TMEM38B: variants seen among roughly 807,000 people sequenced by gnomAD.
TMEM38B encodes transmembrane protein 38B, also known as trimeric intracellular cation channel type B.
Under a neutral mutation model 28.7 loss-of-function variants are expected in TMEM38B, and 24 were observed. The ratio of observed to expected loss-of-function variants is 0.84; its 90% CI spans 0.61 to 1.18. TMEM38B has a LOEUF of 1.18. Among genes scored for constraint, TMEM38B ranks in the 50% most tolerant of loss-of-function variants. The pLI, the probability that TMEM38B is intolerant of heterozygous loss-of-function variation, is 0.00. For missense variants in TMEM38B, 380 were observed against 350.9 expected (o/e 1.08, Z -0.66); for synonymous variants, 131 against 127.7 (o/e 1.03, Z -0.17).
rs1588486087 is a variant in TMEM38B, at chr9:105,773,772, T to C, written c.661-93T>C. ...TTGCTTCCCCTGCAGATTACATTAA[T>C]AATGCATTTTGATTTTTTTTCCTTT... On this transcript the variant is annotated intron_variant, in intron 5 of 5. Transcript: ENST00000374692. The C allele has an allele frequency of 1.3e-5, 16 of 1,197,944 alleles. No individual in the cohort carries two copies. The East Asian group carries it at 3.8e-4, about 28-fold the overall frequency. The allele number at this position is 1,197,944 out of a possible 1,614,324, so 74.2% of individuals were successfully genotyped here. A position where few individuals can be genotyped will look rare whatever the true frequency, so the allele number is the denominator to read the frequency against.
intron 1 of TMEM38B, among the ~76,000 whole-genome samples, chr9:105,702,202 A>G (rs995739287): frequency 1.3e-4 from 20 of 151,200 alleles, no homozygotes; most frequent in Non-Finnish European, 5.9e-5. Context: ...GGCATATAGG[A>G]TATGTTGTTC....
chr9:105,712,495 G>A (rs1301624899), intron 2 of TMEM38B, among the ~76,000 whole-genome samples: 5 of 152,186 alleles, frequency 3.3e-5, no homozygotes, highest in Admixed American at 1.3e-4. Context: ...CATAATCATG[G>A]TATAGATCAT....
chr9:105,761,531 A>C (rs1838049527), intron 5 of TMEM38B, among the ~76,000 whole-genome samples: 1 of 152,194 alleles, frequency 6.6e-6, no homozygotes, highest in South Asian at 2.1e-4. Flanking sequence ...TAAAACATAT[A>C]ATCTCTTCTG....
At chr9:105,726,716 C>G (rs1275246274) in intron 4 of TMEM38B, among the ~76,000 whole-genome samples, 1 of 152,056 alleles carries the variant, frequency 6.6e-6, no homozygotes, top group Non-Finnish European at 1.5e-5. Context: ...CAATCTCTAT[C>G]TTTTAATTGG....
Position 105,758,088 on chromosome 9 carries a change from GACTC to G in TMEM38B, c.660+9899_660+9902del. 1.0e-5 allele frequency: 4 copies of G among 391,410 alleles called. No homozygotes were observed. In the South Asian group the frequency reaches 1.6e-4, roughly 15 times the overall value. The allele number at this position is 391,410 out of a possible 1,614,324, so 24.2% of individuals were successfully genotyped here. A position where few individuals can be genotyped will look rare whatever the true frequency, so the allele number is the denominator to read the frequency against. On this transcript the variant is annotated intron_variant, in intron 5 of 5. Transcript: ENST00000374692. Reference sequence around the variant, plus strand: ...GCGGCAGGGCCAGTGGTTGTGCTGAGACTCGCCACTGCCCAGGCCGCTGGGCCTG... The same window carrying G: ...GCGGCAGGGCCAGTGGTTGTGCTGAGGCCACTGCCCAGGCCGCTGGGCCTG...
chr9:105,738,418 T>C (rs1438964796), intron 4 of TMEM38B, among the ~76,000 whole-genome samples: 1 of 152,150 alleles, frequency 6.6e-6, no homozygotes, highest in African/African-American at 2.4e-5. Context: ...GCTCTATATA[T>C]AGAGTTGCTT....
chr9:105,749,587 A>G (rs1280560652), intron 5 of TMEM38B, among the ~76,000 whole-genome samples: 1 of 152,144 alleles, frequency 6.6e-6, no homozygotes, highest in African/African-American at 2.4e-5. Context: ...ATATCATACA[A>G]TGCACTTAAA....
At chr9:105,705,967 C>T (rs1336537302) in intron 2 of TMEM38B, among the ~76,000 whole-genome samples, 1 of 148,014 alleles carries the variant, frequency 6.8e-6, no homozygotes, top group African/African-American at 2.5e-5. Context: ...ATGGCATAAT[C>T]TTGGCTCACT....
intron 2 of TMEM38B, among the ~76,000 whole-genome samples, chr9:105,717,456 A>C (rs1404394607): frequency 6.6e-6 from 1 of 152,178 alleles, no homozygotes; most frequent in Non-Finnish European, 1.5e-5. Flanking sequence ...ACTGGGAACA[A>C]CTCTCTGTCA....
rs374408312 is a variant in TMEM38B, at chr9:105,735,813, G to A, written c.543-12260G>A. 9.0e-4 allele frequency among the ~76,000 whole-genome samples: 137 copies of A among 152,204 alleles called. 4 individuals are homozygous for A. In the South Asian group the frequency reaches 0.027, roughly 30 times the overall value. ...TTGGGGAGTTTTGAGCTTCCTGGAT[G>A]TGGATATCAGTATCTCAACCAAGAC... On this transcript the variant is annotated intron_variant, in intron 4 of 5. Transcript: ENST00000374692.
chr9:105,722,668 T>G, intron 4 of TMEM38B, 47 bp downstream of exon 4: 1 of 1,484,902 alleles, frequency 6.7e-7, no homozygotes, highest in Middle Eastern at 1.7e-4. Context: ...TATCCTTAGA[T>G]CTTACCAAAT....
chr9:105,759,881 A>G, intron 5 of TMEM38B: 9 of 1,591,474 alleles, frequency 5.7e-6, no homozygotes, highest in Non-Finnish European at 7.7e-6. Context: ...ACAAGAAGGA[A>G]TAGTTGTATC....
chr9:105,759,024 G>A, intron 5 of TMEM38B: 1 of 912,708 alleles, frequency 1.1e-6, no homozygotes, highest in Non-Finnish European at 1.9e-6. Context: ...ACATGGAGTA[G>A]TTACACTACA....
At position 105,774,206 on chromosome 9, in the gene TMEM38B, A is replaced by G; in HGVS notation, c.*126A>G. On this transcript the variant is annotated 3_prime_UTR_variant, in exon 6 of 6. Coordinates refer to ENST00000374692, the MANE Select transcript of TMEM38B (RefSeq NM_018112.3). ...TATATGGAATGGAGGTGACAGAAAG[A>G]AAGAAATTCTTTGTTTGAGGGAGAC... The G allele has an allele frequency of 1.3e-6, 1 of 775,224 alleles. No homozygotes were observed. Among genetic ancestry groups the G allele is most frequent in the South Asian group, 1.9e-5 (1 of 52,254 alleles). 48.0% of individuals were successfully genotyped at this position (775,224 alleles called of 1,614,324 possible).
Position 105,705,680 on chromosome 9 carries a change from T to A in TMEM38B, c.196T>A (p.Cys66Ser). Reference protein sequence around the residue: ...LHCFGGGILSCLLLAEPPLKF... With the variant: ...LHCFGGGILSSLLLAEPPLKF... The stretch of plus-strand genomic sequence containing the variant: ...CTGTTTTGGTGGAGGAATTTTATCC[T>A]GTCTACTGCTTGCAGAGCCTCCATT... The change falls in exon 2 of 6, where the codon TGT becomes AGT. Residue 66 changes from cysteine to serine, a missense_variant. Cys to Ser is a moderately radical substitution (Grantham distance 112). Coordinates refer to ENST00000374692, the MANE Select transcript of TMEM38B (RefSeq NM_018112.3). The A allele has an allele frequency of 6.2e-7, 1 of 1,614,098 alleles. No individual in the cohort carries two copies.
chr9:105,731,339 G>T (rs1836738811), intron 4 of TMEM38B, among the ~76,000 whole-genome samples: 1 of 151,674 alleles, frequency 6.6e-6, no homozygotes, highest in Non-Finnish European at 1.5e-5. Flanking sequence ...AAGTTCTAGG[G>T]TACATGCGCA....
chr9:105,759,505 G>A (rs1837958667), intron 5 of TMEM38B: 2 of 1,580,536 alleles, frequency 1.3e-6, no homozygotes, highest in Admixed American at 1.7e-5. Context: ...CATAATGGGA[G>A]GAAGCTGTCA....
At chr9:105,752,920 T>C (rs1175130947) in intron 5 of TMEM38B, among the ~76,000 whole-genome samples, 2 of 152,096 alleles carry the variant, frequency 1.3e-5, no homozygotes, top group Non-Finnish European at 2.9e-5. Flanking sequence ...CTAAGAATCA[T>C]GATAAAACGA....
chr9:105,710,701 C>T (rs528333899), intron 2 of TMEM38B: 8 of 663,720 alleles, frequency 1.2e-5, no homozygotes, highest in East Asian at 3.4e-5. Context: ...AAATTCACAC[C>T]GTAAATCTTC....
Sources: allele counts gnomAD v4.1 joint callset (sites outside exome capture counted in the v4.1 genomes callset), GRCh38; gene constraint gnomAD v4.1.1; transcripts MANE v1.5; gene names NCBI Gene and HGNC (gene_info 2026-07-23, HGNC 2026-07-21).